CEP63: variants seen among roughly 807,000 people sequenced by gnomAD.
CEP63 encodes the protein centrosomal protein of 63 kDa.
CEP63 carries 84 observed loss-of-function variants against 89.1 expected under a neutral mutation model. That is an observed-to-expected ratio of 0.94 (90% confidence interval 0.79 to 1.13). The LOEUF (loss-of-function observed/expected upper bound fraction) is 1.13. Among genes scored for constraint, CEP63 ranks in the 50% most tolerant of loss-of-function variants. CEP63 has a pLI of 0.00. For synonymous variants in CEP63, 267 were observed against 272.5 expected (o/e 0.98, Z 0.20); for missense variants, 838 against 813.3 (o/e 1.03, Z -0.37).
chr3:134,699,285 C>T, the CEP63 span, among the ~76,000 whole-genome samples: 2 of 152,278 alleles, frequency 1.3e-5, no homozygotes, highest in East Asian at 3.9e-4. Flanking sequence ...CCGGAGTCAC[C>T]AAGCTGGATG....
the CEP63 span, among the ~76,000 whole-genome samples, chr3:134,677,162 G>A: frequency 1.2e-5 from 1 of 82,986 alleles, no homozygotes; most frequent in African/African-American, 5.2e-5. Context: ...GCTTGAACCC[G>A]GCAGGAGAAT....
intron 12 of CEP63, among the ~76,000 whole-genome samples, chr3:134,557,404 T>TTTTTTTTTTC: frequency 7.7e-6 from 1 of 130,232 alleles, no homozygotes. Flanking sequence ...TTTTTTTTTT[T>TTTTTTTTTTC]ACAGAAAAGA....
Position 134,561,695 on chromosome 3 carries a change from C to T in CEP63, c.*160C>T. On this transcript the variant is annotated 3_prime_UTR_variant, in exon 15 of 15. Transcript: ENST00000675561. The stretch of plus-strand genomic sequence containing the variant: ...CTGAAAAACTGATACTTTTGATAGG[C>T]ATTTTCTCTGCACTGGTTTGTTTAA... 1.4e-6 allele frequency: 2 copies of T among 1,448,790 alleles called. No individual in the cohort carries two copies. Among genetic ancestry groups the T allele is most frequent in the South Asian group, 3.0e-5 (2 of 67,686 alleles). 89.7% of individuals were successfully genotyped at this position (1,448,790 alleles called of 1,614,324 possible).
At chr3:134,666,593 C>T in the CEP63 span, among the ~76,000 whole-genome samples, 95 of 152,246 alleles carry the variant, frequency 6.2e-4, no homozygotes, top group African/African-American at 2.2e-3. Flanking sequence ...CCTTTTGCTT[C>T]ACCAGCTAAC....
rs1957405170 is a variant in CEP63, at chr3:134,562,117, A to T, written c.*582A>T. On this transcript the variant is annotated 3_prime_UTR_variant, in exon 15 of 15. Transcript: ENST00000675561. ...AGCAGTCCTCTCTTGCTCAACACTC[A>T]TGCAGAGGAGAGAGGCAGGGAGGGC... is the stretch of plus-strand genomic sequence containing the variant. The T allele has an allele frequency of 6.1e-6, 6 of 989,614 alleles. No homozygotes were observed. Among genetic ancestry groups the T allele is most frequent in the Non-Finnish European group, 7.2e-6 (6 of 832,620 alleles). 61.3% of individuals were successfully genotyped at this position (989,614 alleles called of 1,614,324 possible). A position where few individuals can be genotyped will look rare whatever the true frequency, so the allele number is the denominator to read the frequency against.
the CEP63 span, among the ~76,000 whole-genome samples, chr3:134,770,784 A>G: frequency 6.6e-6 from 1 of 152,156 alleles, no homozygotes; most frequent in East Asian, 1.9e-4. Flanking sequence ...TGGCAAAGGA[A>G]AAATATAAAT....
At chr3:134,607,657 T>C in the CEP63 span, 7 of 985,582 alleles carry the variant, frequency 7.1e-6, no homozygotes, top group African/African-American at 1.0e-4. Flanking sequence ...CCCTGCTTTT[T>C]TGTGACCAGT....
Position 134,559,317 on chromosome 3 carries a change from C to A in CEP63, c.1841C>A (p.Ser614Tyr). 6.2e-7 allele frequency: 1 copy of A among 1,614,026 alleles called. No individual in the cohort carries two copies. The highest frequency in any genetic ancestry group is 2.2e-5 in the East Asian group (1 of 44,888). ...TGCAGCTCCACCAGGTCTTTGACTT[C>A]CTACTCTCTATGTAAAACTCATTCT... is the stretch of plus-strand genomic sequence containing the variant. ...SPCSSTRSLT[S>Y]YSLCKTHSLP... Residue 614 changes from serine (S) to tyrosine (Y), a missense_variant, in exon 14 of 15, where the codon TCC becomes TAC. Ser to Tyr is a moderately radical substitution (Grantham distance 144). Coordinates refer to ENST00000675561, the MANE Select transcript of CEP63 (RefSeq NM_001353108.3).
intron 3 of CEP63, among the ~76,000 whole-genome samples, chr3:134,522,374 A>C (rs543736902): frequency 6.6e-6 from 1 of 152,188 alleles, no homozygotes; most frequent in Non-Finnish European, 1.5e-5. Flanking sequence ...ATGTGGGTTC[A>C]CAAGGGATAT....
chr3:134,610,950 G>A, the CEP63 span, among the ~76,000 whole-genome samples: 3 of 152,312 alleles, frequency 2.0e-5, no homozygotes, highest in East Asian at 3.9e-4. Flanking sequence ...TCCTCCCAAG[G>A]ATGCCTGCAG....
At position 134,507,098 on chromosome 3, in the gene CEP63, C is replaced by T. The variant is rs1469672981; in HGVS notation, c.45-11C>T. ...TCTTCTGTTTTTTTAATGATCTGTT[C>T]TTCTTTATAGGGGATTTTTGACATC... On this transcript the variant is annotated splice_polypyrimidine_tract_variant and intron_variant, in intron 2 of 14. Transcript: ENST00000675561. 18 of 1,610,124 alleles carry T rather than the reference C, an allele frequency of 1.1e-5. No individual in the cohort carries two copies. In the East Asian group the frequency reaches 4.0e-4, roughly 36 times the overall value.
chr3:134,558,094 C>A, intron 12 of CEP63, 48 bp from the exon 13 acceptor site: 1 of 1,462,086 alleles, frequency 6.8e-7, no homozygotes, highest in Non-Finnish European at 9.6e-7. Flanking sequence ...TCACAGATCA[C>A]AGGTATTCTT....
the CEP63 span, among the ~76,000 whole-genome samples, chr3:134,763,325 C>G: frequency 6.6e-6 from 1 of 151,972 alleles, no homozygotes; most frequent in African/African-American, 2.4e-5. Flanking sequence ...AGGAATTGAA[C>G]ATTATTTTTT....
At chr3:134,657,370 C>T in the CEP63 span, among the ~76,000 whole-genome samples, 4 of 151,958 alleles carry the variant, frequency 2.6e-5, no homozygotes, top group African/African-American at 9.7e-5. Flanking sequence ...GGAGACACAG[C>T]CAAACCATAT....
downstream of CEP63, among the ~76,000 whole-genome samples, chr3:134,578,338 T>TTTTTTGTTTTTTTTTTTG (rs1560077894): frequency 7.3e-6 from 1 of 137,830 alleles, no homozygotes; most frequent in Admixed American, 7.4e-5. Context: ...TTTTTTTTTT[T>TTTTTTGTTTTTTTTTTTG]TTTTTTTTTG....
At chr3:134,528,593 T>TGTGTGTGTGA (rs769215255) in intron 3 of CEP63, among the ~76,000 whole-genome samples, 1 of 149,408 alleles carries the variant, frequency 6.7e-6, no homozygotes, top group Non-Finnish European at 1.5e-5. Context: ...TGTGTGTGTG[T>TGTGTGTGTGA]GGTGTTTTGA....
At chr3:134,580,808 A>G (rs1958328661) in intron 10 of CEP63, among the ~76,000 whole-genome samples, 1 of 152,244 alleles carries the variant, frequency 6.6e-6, no homozygotes, top group Non-Finnish European at 1.5e-5. Context: ...AAAAATATCT[A>G]TGCCCTAATA....
intron 3 of CEP63, among the ~76,000 whole-genome samples, chr3:134,516,401 G>T (rs1462428730): frequency 6.6e-6 from 1 of 152,126 alleles, no homozygotes; most frequent in Non-Finnish European, 1.5e-5. Flanking sequence ...GGATGGGCAG[G>T]AGACAGATGC....
chr3:134,528,025 C>CT (rs1439367714), intron 3 of CEP63, among the ~76,000 whole-genome samples: 1 of 152,196 alleles, frequency 6.6e-6, no homozygotes, highest in African/African-American at 2.4e-5. Flanking sequence ...TATCACTTCT[C>CT]TAAGTGGCTC....
Sources: gnomAD v4.1 joint callset for allele counts (sites outside exome capture counted in the v4.1 genomes callset) on GRCh38, gnomAD v4.1.1 for gene constraint, MANE v1.5 for transcripts, NCBI Gene and HGNC (gene_info 2026-07-23, HGNC 2026-07-21) for gene names.